PTPN20: variants seen among roughly 807,000 people sequenced by gnomAD.
The protein encoded by PTPN20 is tyrosine-protein phosphatase non-receptor type 20.
PTPN20 carries 9 observed loss-of-function variants against 35.0 expected under a neutral mutation model. The observed-to-expected ratio is 0.26, with a 90% CI of 0.15 to 0.45. The LOEUF is 0.45. Ranked by LOEUF, PTPN20 falls within the 20% of genes least tolerant of loss-of-function variation. PTPN20 has a pLI of 1.00. For synonymous variants in PTPN20, 32 were observed against 100.2 expected, an observed-to-expected ratio of 0.32 and a Z score of 4.06; for missense variants, 111 against 312.5, an observed-to-expected ratio of 0.36 and a Z score of 4.86.
intron 9 of PTPN20, among the ~76,000 whole-genome samples, chr10:46,993,617 C>T (rs1442919779): frequency 6.6e-6 from 1 of 152,120 alleles, no homozygotes; most frequent in African/African-American, 2.4e-5. Flanking sequence ...GACAACTTAT[C>T]TTAGATCACA....
Position 46,963,395 on chromosome 10 carries a change from G to GAT in PTPN20, c.341-1580_341-1579dup, listed in dbSNP as rs1302044826. 1.3e-4 allele frequency among the ~76,000 whole-genome samples: 4 copies of GAT among 31,100 alleles called. 1 individual carries two copies. The highest frequency in any genetic ancestry group is 3.2e-4 in the African/African-American group (1 of 3,146). 20.4% of individuals were successfully genotyped at this position (31,100 alleles called of 152,430 possible). A position where few individuals can be genotyped will look rare whatever the true frequency, so the allele number is the denominator to read the frequency against. On this transcript the variant is annotated intron_variant, in intron 5 of 10. Transcript: ENST00000374339. ...AATTCAGAATGATGTTAATGATAAA[G>GAT]ATATATATATATTTTCTACCATAAT...
intron 9 of PTPN20, among the ~76,000 whole-genome samples, chr10:46,994,262 T>C (rs984753265): frequency 2.0e-5 from 3 of 151,796 alleles, no homozygotes; most frequent in Non-Finnish European, 2.9e-5. Flanking sequence ...GAGAGTTTTA[T>C]TATTTTATGC....
chr10:46,992,338 G>T (rs2058145636), intron 9 of PTPN20, among the ~76,000 whole-genome samples: 1 of 151,928 alleles, frequency 6.6e-6, no homozygotes, highest in South Asian at 2.1e-4. Flanking sequence ...GGCCAGGCAG[G>T]TCTCAAACTC....
In PTPN20 at chr10:46,940,602, T is replaced by C. The variant is rs1555133973; in HGVS notation, c.35-21T>C. ...TATAGTGTTTTCTATTTGATCAGTTTTTCCCCCCGCCTTTGTTCAGTAAAC... is the reference window on the plus strand; with the variant it reads ...TATAGTGTTTTCTATTTGATCAGTTCTTCCCCCCGCCTTTGTTCAGTAAAC... On this transcript the variant is annotated intron_variant, in intron 2 of 10. Coordinates refer to ENST00000374339, the MANE Select transcript of PTPN20 (RefSeq NM_001042357.5). 4.4e-6 allele frequency: 7 copies of C among 1,599,526 alleles called. No individual in the cohort carries two copies. The East Asian group carries it at 1.3e-4, about 31-fold the overall frequency.
chr10:46,983,103 C>T (rs2056013523), intron 7 of PTPN20, among the ~76,000 whole-genome samples: 1 of 136,242 alleles, frequency 7.3e-6, no homozygotes, highest in Non-Finnish European at 1.5e-5. Context: ...GATGGAGTCT[C>T]ACTCATTCTG....
intron 3 of PTPN20, among the ~76,000 whole-genome samples, chr10:46,941,065 C>T (rs2043329947): frequency 6.6e-6 from 1 of 151,122 alleles, no homozygotes; most frequent in African/African-American, 2.5e-5. Context: ...TGTCTCCGAA[C>T]TATGGAAAAG....
intron 2 of PTPN20, among the ~76,000 whole-genome samples, chr10:46,937,687 A>C (rs1185313380): frequency 9.2e-5 from 14 of 151,892 alleles, no homozygotes; most frequent in African/African-American, 3.4e-4. Flanking sequence ...CATGATTTAT[A>C]TCTCTTTTTA....
chr10:46,939,853 T>C (rs1409844304), intron 2 of PTPN20, among the ~76,000 whole-genome samples: 3 of 151,720 alleles, frequency 2.0e-5, no homozygotes, highest in African/African-American at 7.3e-5. Flanking sequence ...TTCTATTAGA[T>C]TTCCTTTTTA....
In PTPN20 at chr10:47,002,140, G is replaced by T. The variant is rs1031380051; in HGVS notation, c.*1399G>T. ...ATATTTGATGTTAAATCAAATAGAT[G>T]ATTCTGTTTACATTGTTCATATGAA... On this transcript the variant is annotated 3_prime_UTR_variant, in exon 11 of 11. Coordinates refer to ENST00000374339, the MANE Select transcript of PTPN20 (RefSeq NM_001042357.5). 4 of 152,116 alleles carry T rather than the reference G, an allele frequency of 2.6e-5. No homozygotes were observed. The highest frequency in any genetic ancestry group is 2.4e-5 in the African/African-American group (1 of 41,396). The allele number at this position is 152,116 out of a possible 1,614,324, so 9.4% of individuals were successfully genotyped here. A position where few individuals can be genotyped will look rare whatever the true frequency, so the allele number is the denominator to read the frequency against.
At chr10:46,995,588 T>C (rs2058959309) in intron 9 of PTPN20, among the ~76,000 whole-genome samples, 1 of 152,176 alleles carries the variant, frequency 6.6e-6, no homozygotes, top group African/African-American at 2.4e-5. Flanking sequence ...GCATCTCCTT[T>C]AGCTGAGTTA....
chr10:47,001,584 CATT>C lies in PTPN20; in HGVS notation c.*849_*851del, dbSNP rs767374710. On this transcript the variant is annotated 3_prime_UTR_variant, in exon 11 of 11. Coordinates refer to ENST00000374339, the MANE Select transcript of PTPN20 (RefSeq NM_001042357.5). ...GCTAACTAATAAAGTTTGATATAGG[CATT>C]ATTATATAATTCTGAGTCATTCATG... 4.6e-5 allele frequency: 7 copies of C among 152,074 alleles called. No individual in the cohort carries two copies. The highest frequency in any genetic ancestry group is 7.4e-5 in the Non-Finnish European group (5 of 68,006). The allele number at this position is 152,074 out of a possible 1,614,324, so 9.4% of individuals were successfully genotyped here.
intron 9 of PTPN20, among the ~76,000 whole-genome samples, chr10:46,992,162 G>A (rs1049985811): frequency 2.1e-5 from 3 of 142,474 alleles, no homozygotes; most frequent in East Asian, 2.0e-4. Context: ...TTGGTCTGTC[G>A]CCCAGGCTGG....
At chr10:46,930,102 A>G (rs1429530298) in intron 1 of PTPN20, among the ~76,000 whole-genome samples, 1 of 143,022 alleles carries the variant, frequency 7.0e-6, no homozygotes, top group Admixed American at 6.8e-5. Flanking sequence ...TTATTAAAAT[A>G]CTAGGATTAG....
At chr10:46,954,780 GA>G (rs1309854322) in intron 5 of PTPN20, among the ~76,000 whole-genome samples, 4 of 150,696 alleles carry the variant, frequency 2.7e-5, no homozygotes, top group African/African-American at 9.9e-5. Context: ...TCTTGCTTTG[GA>G]TTTTATTTTA....
chr10:46,978,943 G>A (rs1292984409), intron 7 of PTPN20, among the ~76,000 whole-genome samples: 17 of 151,096 alleles, frequency 1.1e-4, no homozygotes, highest in Admixed American at 2.0e-4. Context: ...ATAGGTGTAA[G>A]CAGAAGAGTT....
At chr10:46,996,892 T>A (rs1273055748) in intron 9 of PTPN20, among the ~76,000 whole-genome samples, 1 of 152,176 alleles carries the variant, frequency 6.6e-6, no homozygotes, top group Non-Finnish European at 1.5e-5. Flanking sequence ...ATAGTAAGCT[T>A]TAACATCAGA....
rs1369845518 is a variant in PTPN20, at chr10:47,000,898, A to G, written c.*157A>G. 7.9e-6 allele frequency: 7 copies of G among 882,922 alleles called. 1 individual carries two copies. Among genetic ancestry groups the G allele is most frequent in the South Asian group, 5.6e-5 (4 of 70,954 alleles). 54.7% of individuals were successfully genotyped at this position (882,922 alleles called of 1,614,324 possible). On this transcript the variant is annotated 3_prime_UTR_variant, in exon 11 of 11. Transcript: ENST00000374339. ...CTTTCTAAAAGCTCCCTGAAGGGCA[A>G]TATCATTTGGCTTGGGGTGATCAGT...
chr10:46,994,045 A>G (rs1269703684), intron 9 of PTPN20, among the ~76,000 whole-genome samples: 1 of 151,896 alleles, frequency 6.6e-6, no homozygotes, highest in Non-Finnish European at 1.5e-5. Context: ...TCACTCCTTC[A>G]TATTTAAAAG....
intron 1 of PTPN20, among the ~76,000 whole-genome samples, chr10:46,928,125 G>A (rs1555115482): frequency 2.0e-5 from 3 of 150,628 alleles, no homozygotes; most frequent in Non-Finnish European, 3.0e-5. Flanking sequence ...GTAGCTCATG[G>A]CAACTGTATC....
Sources: allele counts gnomAD v4.1 joint callset (sites outside exome capture counted in the v4.1 genomes callset), GRCh38; gene constraint gnomAD v4.1.1; transcripts MANE v1.5; gene names NCBI Gene and HGNC (gene_info 2026-07-23, HGNC 2026-07-21).